The following BCL7B variants were observed in gnomAD, a reference collection of about 807,000 sequenced individuals.
BCL7B encodes the protein BAF chromatin remodeling complex subunit BCL7B.
BCL7B carries 11 observed loss-of-function variants against 26.5 expected under a neutral mutation model. That is an observed-to-expected ratio of 0.42 (90% CI 0.26 to 0.69). BCL7B has a LOEUF of 0.69. Among genes scored for constraint, BCL7B ranks in the 30% least tolerant of loss-of-function variants. The pLI, the probability that BCL7B is intolerant of heterozygous loss-of-function variation, is 0.28. For missense variants in BCL7B, 215 were observed against 264.4 expected, an observed-to-expected ratio of 0.81 and a Z score of 1.30; for synonymous variants, 111 against 107.9, an observed-to-expected ratio of 1.03 and a Z score of -0.18.
intron 1 of BCL7B, 79 bp downstream of exon 1, chr7:73,557,408 C>T: frequency 1.4e-5 from 17 of 1,203,692 alleles, no homozygotes; most frequent in Non-Finnish European, 1.8e-5. Context: ...CGGTCGGCTC[C>T]CACCTGACCC....
intron 1 of BCL7B, chr7:73,557,265 CGCA>C (rs1792403151): frequency 1.8e-6 from 2 of 1,125,520 alleles, no homozygotes; most frequent in Non-Finnish European, 1.1e-6. Flanking sequence ...CGGCAGCAGC[CGCA>C]GCAGGTGGGC....
chr7:73,557,518 C>T lies in BCL7B; in HGVS notation c.61G>A (p.Val21Met), dbSNP rs1792421391. ...CGCACTTTCTCGATGGCCGCCATCACCTTCTTGATGTCGTCCTTGGCCCGG... is the reference window on the plus strand; with the variant it reads ...CGCACTTTCTCGATGGCCGCCATCATCTTCTTGATGTCGTCCTTGGCCCGG... ...RSRAKDDIKKVMAAIEKVRKW... is the reference protein window; with the variant it reads ...RSRAKDDIKKMMAAIEKVRKW... The change falls in exon 1 of 6, where the codon GTG becomes ATG. Residue 21 changes from valine to methionine, a missense_variant. Transcript: ENST00000223368. 2 of 1,454,554 alleles carry T rather than the reference C, an allele frequency of 1.4e-6. No homozygotes were observed. The highest frequency in any genetic ancestry group is 1.5e-5 in the African/African-American group (1 of 67,998). The allele number at this position is 1,454,554 out of a possible 1,614,324, so 90.1% of individuals were successfully genotyped here.
At position 73,537,295 on chromosome 7, in the gene BCL7B, G is replaced by T; in HGVS notation, c.*3C>A. On this transcript the variant is annotated 3_prime_UTR_variant, in exon 6 of 6. Transcript: ENST00000223368. Reference sequence around the variant, plus strand: ...GGCCAGGAGGCGGAGGGCCGGGATGGTGCTAGCTTTCTGACGCCGTCTGCG... The same window carrying T: ...GGCCAGGAGGCGGAGGGCCGGGATGTTGCTAGCTTTCTGACGCCGTCTGCG... 6.2e-7 allele frequency: 1 copy of T among 1,613,972 alleles called. No homozygotes were observed. Among genetic ancestry groups the T allele is most frequent in the Non-Finnish European group, 8.5e-7 (1 of 1,179,906 alleles).
chr7:73,550,592 C>A (rs368789829), intron 2 of BCL7B, among the ~76,000 whole-genome samples: 2 of 152,004 alleles, frequency 1.3e-5, no homozygotes, highest in East Asian at 1.9e-4. Context: ...CAAAGTTGAA[C>A]CACAGAGAAT....
Position 73,557,649 on chromosome 7 carries a change from G to A in BCL7B, c.-71C>T, listed in dbSNP as rs1213719080. On this transcript the variant is annotated 5_prime_UTR_variant, in exon 1 of 6. Coordinates refer to ENST00000223368, the MANE Select transcript of BCL7B (RefSeq NM_001707.4). ...CCGGGGATCGCGCGCCTCACGCGCC[G>A]CCGCCCGCCCGCCGCCGCCGCAGCG... 1.3e-5 allele frequency: 12 copies of A among 953,728 alleles called. No homozygotes were observed. The highest frequency in any genetic ancestry group is 1.6e-5 in the Non-Finnish European group (12 of 763,212). The allele number at this position is 953,728 out of a possible 1,614,324, so 59.1% of individuals were successfully genotyped here.
At chr7:73,543,678 C>A (rs370718915) in intron 2 of BCL7B, 34 bp from the exon 3 acceptor site, 149 of 1,563,236 alleles carry the variant, frequency 9.5e-5, no homozygotes, top group Admixed American at 7.4e-4. Flanking sequence ...TATGACAGAG[C>A]CAAGCAGGAG....
At chr7:73,538,849 A>C (rs539316242) in intron 4 of BCL7B, among the ~76,000 whole-genome samples, 19 of 152,088 alleles carry the variant, frequency 1.2e-4, no homozygotes, top group Admixed American at 1.2e-3. Flanking sequence ...GAAAAGAAAA[A>C]AATTTAGCAT....
chr7:73,543,769 G>GT (rs2115764644), intron 2 of BCL7B, 125 bp from the exon 3 acceptor site: 1 of 709,754 alleles, frequency 1.4e-6, no homozygotes, highest in South Asian at 1.7e-5. Flanking sequence ...CGACAGCAGC[G>GT]TGAGAATCCA....
Position 73,554,807 on chromosome 7 carries a change from A to C in BCL7B, c.93-2565T>G, listed in dbSNP as rs183547228. Among the ~76,000 whole-genome samples the C allele has an allele frequency of 1.3e-4, 20 of 152,156 alleles. No individual in the cohort carries two copies. The East Asian group carries it at 2.7e-3, about 21-fold the overall frequency. On this transcript the variant is annotated intron_variant, in intron 1 of 5. Coordinates refer to ENST00000223368, the MANE Select transcript of BCL7B (RefSeq NM_001707.4). ...GCAAGACTGGGTCTCAAAAAAAAAA[A>C]AAAAAAACAGATGACATACTGGGAG...
chr7:73,539,666 T>C, intron 4 of BCL7B: 1 of 534,914 alleles, frequency 1.9e-6, no homozygotes, highest in Non-Finnish European at 3.3e-6. Context: ...ATACTCAAGT[T>C]CCTTCCACAC....
intron 2 of BCL7B, among the ~76,000 whole-genome samples, chr7:73,547,324 G>A (rs1185158074): frequency 2.0e-5 from 3 of 152,190 alleles, no homozygotes; most frequent in Admixed American, 6.5e-5. Flanking sequence ...TTTGCCAGGC[G>A]TGGTGGCACG....
chr7:73,552,033 C>T (rs752839960), intron 2 of BCL7B, 134 bp downstream of exon 2: 44 of 642,520 alleles, frequency 6.8e-5, no homozygotes, highest in Non-Finnish European at 1.1e-4. Flanking sequence ...GTGGAGGTTG[C>T]AGTGAGCCAA....
intron 1 of BCL7B, among the ~76,000 whole-genome samples, chr7:73,554,971 T>A (rs561616693): frequency 6.6e-6 from 1 of 152,310 alleles, no homozygotes; most frequent in East Asian, 1.9e-4. Context: ...GCCCTGGTGA[T>A]GCAGGGAACA....
Position 73,552,185 on chromosome 7 carries a change from A to G in BCL7B, c.150T>C (p.Pro50=), listed in dbSNP as rs200541265. Residue 50 remains proline (P), a synonymous_variant, in exon 2 of 6, where the codon CCT becomes CCC. Coordinates refer to ENST00000223368, the MANE Select transcript of BCL7B (RefSeq NM_001707.4). ...CACTTACCTCCTTGCTGTCTGTCAC[A>G]GGAACCCACTTAAATATCCTCAGGG... ...DTSLRIFKWV[P]VTDSKEKEKS... The G allele has an allele frequency of 2.5e-6, 4 of 1,610,192 alleles. No individual in the cohort carries two copies. The highest frequency in any genetic ancestry group is 2.2e-5 in the East Asian group (1 of 44,850).
chr7:73,543,734 C>G, intron 2 of BCL7B, 90 bp from the exon 3 acceptor site: 2 of 1,015,194 alleles, frequency 2.0e-6, no homozygotes, highest in Non-Finnish European at 1.5e-6. Flanking sequence ...CCACAGAGGT[C>G]TGGATTAGGA....
At chr7:73,548,419 C>A (rs1161005006) in intron 2 of BCL7B, among the ~76,000 whole-genome samples, 1 of 151,908 alleles carries the variant, frequency 6.6e-6, no homozygotes, top group Non-Finnish European at 1.5e-5. Context: ...CAGAGTGAGA[C>A]TCTGTCTCGA....
Position 73,540,016 on chromosome 7 carries a change from T to C in BCL7B, c.302A>G (p.Tyr101Cys), listed in dbSNP as rs544276046. Residue 101 changes from tyrosine (Y) to cysteine (C), a missense_variant, in exon 4 of 6, where the codon TAT becomes TGT. Tyr to Cys is a radical substitution (Grantham distance 194). Transcript: ENST00000223368. ...GGTGCTGCTGTCCACCTTAAGCTGA[T>C]AGACGTCAGACACGGAACTCTGGTT... Reference protein sequence around the residue: ...NSNQSSVSDVYQLKVDSSTNS... With the variant: ...NSNQSSVSDVCQLKVDSSTNS... 1.2e-5 allele frequency: 20 copies of C among 1,614,036 alleles called. No individual in the cohort carries two copies. The highest frequency in any genetic ancestry group is 5.0e-5 in the Admixed American group (3 of 59,980).
intron 2 of BCL7B, 146 bp from the exon 3 acceptor site, chr7:73,543,790 G>T (rs1052719179): frequency 1.6e-6 from 1 of 613,396 alleles, no homozygotes; most frequent in Admixed American, 3.0e-5. Flanking sequence ...AGGACCCAAG[G>T]AAGAACAGAA....
chr7:73,551,225 A>G (rs1339347743), intron 2 of BCL7B, among the ~76,000 whole-genome samples: 1 of 152,194 alleles, frequency 6.6e-6, no homozygotes, highest in Non-Finnish European at 1.5e-5. Context: ...CAACCACTCA[A>G]TCTGCCACTG....
Sources: gnomAD v4.1 joint callset for allele counts (sites outside exome capture counted in the v4.1 genomes callset) on GRCh38, gnomAD v4.1.1 for gene constraint, MANE v1.5 for transcripts, NCBI Gene and HGNC (gene_info 2026-07-23, HGNC 2026-07-21) for gene names.